The following FER variants were observed in gnomAD, a reference collection of about 807,000 sequenced individuals.
FER encodes FER tyrosine kinase.
A neutral mutation model predicts 111.0 loss-of-function variants in FER; 63 were observed. The ratio of observed to expected loss-of-function variants is 0.57; its 90% CI spans 0.46 to 0.70. FER has a LOEUF of 0.70. Ranked by LOEUF, FER falls within the 30% of genes least tolerant of loss-of-function variation. The probability of loss-of-function intolerance (pLI) is 0.00; values close to 1 mark genes in which losing one functional copy is unlikely to be tolerated. For synonymous variants in FER, 327 were observed against 313.9 expected (o/e 1.04, Z -0.44); for missense variants, 914 against 954.0 (o/e 0.96, Z 0.55).
intron 5 of FER, among the ~76,000 whole-genome samples, chr5:108,839,572 CTTT>C (rs1232820003): frequency 0.023 from 2,196 of 94,690 alleles, 49 homozygotes; most frequent in African/African-American, 0.093. Flanking sequence ...ATGCCATTTT[CTTT>C]TTTTTTTTTT....
intron 2 of FER, among the ~76,000 whole-genome samples, chr5:108,792,069 G>A (rs1755440927): frequency 6.6e-6 from 1 of 152,212 alleles, no homozygotes; most frequent in Admixed American, 6.5e-5. Flanking sequence ...TTACCATAGT[G>A]TGTTGATCAC....
chr5:109,009,505 T>C (rs1379092077), intron 13 of FER, among the ~76,000 whole-genome samples: 1 of 152,224 alleles, frequency 6.6e-6, no homozygotes, highest in African/African-American at 2.4e-5. Flanking sequence ...AGACAACTCA[T>C]TACTAGCATT....
intron 10 of FER, among the ~76,000 whole-genome samples, chr5:108,945,760 G>T (rs1459113781): frequency 6.6e-6 from 1 of 151,710 alleles, no homozygotes; most frequent in African/African-American, 2.4e-5. Context: ...AGTCCTATCC[G>T]AAATAGTCTG....
intron 17 of FER, among the ~76,000 whole-genome samples, chr5:109,125,176 A>G (rs1457779118): frequency 6.6e-6 from 1 of 151,976 alleles, no homozygotes; most frequent in Non-Finnish European, 1.5e-5. Context: ...TGAATTAAAT[A>G]TTTAGAATTA....
intron 17 of FER, among the ~76,000 whole-genome samples, chr5:109,143,749 A>C (rs1350656884): frequency 6.6e-6 from 1 of 150,936 alleles, no homozygotes; most frequent in Admixed American, 6.6e-5. Context: ...TGTGTGGCCC[A>C]GGCTGGATTC....
In FER at chr5:109,147,865, T is replaced by C. The variant is rs567070639; in HGVS notation, c.2049-32882T>C. ...AATACTAGTGAAACACACCAAAATA[T>C]TGAGTGATATTTTTAGTTAGGTTCC... On this transcript the variant is annotated intron_variant, in intron 17 of 19. Transcript: ENST00000281092. Among the ~76,000 whole-genome samples, 16 of 151,474 alleles carry C rather than the reference T, an allele frequency of 1.1e-4. No individual in the cohort carries two copies. In the East Asian group the frequency reaches 2.1e-3, roughly 20 times the overall value.
chr5:109,151,502 C>A (rs1754851312), intron 17 of FER, among the ~76,000 whole-genome samples: 1 of 152,008 alleles, frequency 6.6e-6, no homozygotes, highest in South Asian at 2.1e-4. Context: ...TGTGTGATTT[C>A]TGTTTTGCTT....
At chr5:109,025,061 C>T (rs1452615299) in intron 13 of FER, among the ~76,000 whole-genome samples, 1 of 152,066 alleles carries the variant, frequency 6.6e-6, no homozygotes, top group East Asian at 1.9e-4. Context: ...CGTGATGCCT[C>T]CAGCTTTGTT....
Position 109,187,602 on chromosome 5 carries a change from T to TCAGGACTCTGTCCTCCAGCAGAGTAA in FER, c.*30_*55dup. On this transcript the variant is annotated 3_prime_UTR_variant, in exon 20 of 20. Coordinates refer to ENST00000281092, the MANE Select transcript of FER (RefSeq NM_005246.4). ...GACAGGATGGCGCCAAACTCAGCCT[T>TCAGGACTCTGTCCTCCAGCAGAGTAA]CAGGACTCTGTCCTCCAGCAGAGTA... The TCAGGACTCTGTCCTCCAGCAGAGTAA allele has an allele frequency of 6.2e-7, 1 of 1,613,390 alleles. No homozygotes were observed. Among genetic ancestry groups the TCAGGACTCTGTCCTCCAGCAGAGTAA allele is most frequent in the East Asian group, 2.2e-5 (1 of 44,830 alleles).
chr5:108,922,775 C>T (rs1348636795), intron 10 of FER, among the ~76,000 whole-genome samples: 1 of 152,026 alleles, frequency 6.6e-6, no homozygotes, highest in Non-Finnish European at 1.5e-5. Flanking sequence ...AAACTATACG[C>T]ATTGTTTACT....
chr5:109,013,357 A>G (rs191654567), intron 13 of FER, among the ~76,000 whole-genome samples: 16,519 of 150,450 alleles, frequency 0.11, 994 homozygotes, highest in Non-Finnish European at 0.14. Context: ...GCGATAGTTT[A>G]CTGAGAATGA....
chr5:109,166,694 A>C (rs1303048117), intron 17 of FER, among the ~76,000 whole-genome samples: 1 of 152,176 alleles, frequency 6.6e-6, no homozygotes, highest in Non-Finnish European at 1.5e-5. Context: ...TGTTCTACTC[A>C]GGAATCACTT....
intron 16 of FER, among the ~76,000 whole-genome samples, chr5:109,071,845 T>C (rs543576161): frequency 1.3e-5 from 2 of 152,020 alleles, no homozygotes; most frequent in East Asian, 3.9e-4. Flanking sequence ...GTGGAGAAAC[T>C]GGAAAAAAGC....
intron 2 of FER, among the ~76,000 whole-genome samples, chr5:108,787,102 CCCAGG>C (rs1428081381): frequency 1.3e-5 from 2 of 152,030 alleles, no homozygotes; most frequent in East Asian, 3.9e-4. Flanking sequence ...CAGCTTGGGG[CCCAGG>C]AAGCCCCCTG....
At chr5:109,056,650 A>G (rs1344485583) in intron 16 of FER, among the ~76,000 whole-genome samples, 4 of 152,156 alleles carry the variant, frequency 2.6e-5, no homozygotes, top group Admixed American at 2.6e-4. Flanking sequence ...GTAATTTACA[A>G]CATGTGAACT....
At chr5:108,851,302 C>T (rs142093190) in intron 5 of FER, among the ~76,000 whole-genome samples, 58 of 152,248 alleles carry the variant, frequency 3.8e-4, no homozygotes, top group African/African-American at 1.2e-3. Context: ...AGAGATTGGG[C>T]AGGGAAACTC....
chr5:108,970,061 T>G (rs1760424036), intron 13 of FER, among the ~76,000 whole-genome samples: 1 of 148,076 alleles, frequency 6.8e-6, no homozygotes, highest in South Asian at 2.1e-4. Context: ...ATAATTTATA[T>G]GAAGAAATCG....
intron 13 of FER, among the ~76,000 whole-genome samples, chr5:108,967,152 C>G (rs1259327071): frequency 2.0e-5 from 3 of 152,180 alleles, no homozygotes; most frequent in Non-Finnish European, 4.4e-5. Context: ...ACCAGCTCAG[C>G]CCGCCTGTGT....
chr5:108,980,063 G>T (rs911572348), intron 13 of FER, among the ~76,000 whole-genome samples: 5 of 152,026 alleles, frequency 3.3e-5, no homozygotes, highest in Non-Finnish European at 5.9e-5. Flanking sequence ...TTTCTGTTCA[G>T]CCCATACTGA....
Sources: gnomAD v4.1 joint callset for allele counts (sites outside exome capture counted in the v4.1 genomes callset) on GRCh38, gnomAD v4.1.1 for gene constraint, MANE v1.5 for transcripts, NCBI Gene and HGNC (gene_info 2026-07-23, HGNC 2026-07-21) for gene names.